CCDC83: variants seen among roughly 807,000 people sequenced by gnomAD.
CCDC83 encodes coiled-coil domain-containing protein 83.
A neutral mutation model predicts 50.1 loss-of-function variants in CCDC83; 54 were observed. The ratio of observed to expected loss-of-function variants is 1.08; its 90% CI spans 0.87 to 1.35. The LOEUF (loss-of-function observed/expected upper bound fraction) is 1.35. Among genes scored for constraint, CCDC83 ranks in the 40% most tolerant of loss-of-function variants. The pLI is 0.00. For missense variants in CCDC83, 518 were observed against 473.9 expected, an observed-to-expected ratio of 1.09 and a Z score of -0.86; for synonymous variants, 161 against 153.3, an observed-to-expected ratio of 1.05 and a Z score of -0.37.
In CCDC83 at chr11:85,916,109, T is replaced by C. The variant is rs1296311008; in HGVS notation, c.956T>C (p.Leu319Pro). 1.2e-6 allele frequency: 2 copies of C among 1,613,292 alleles called. No individual in the cohort carries two copies. Among genetic ancestry groups the C allele is most frequent in the South Asian group, 1.1e-5 (1 of 91,038 alleles). Residue 319 changes from leucine (L) to proline (P), a missense_variant, in exon 10 of 11, where the codon CTT (leucine) becomes CCT (proline). Coordinates refer to ENST00000342404, the MANE Select transcript of CCDC83 (RefSeq NM_001286159.2). ...SSSDESTILH[L>P]SHENSIEDLQ... is the part of the protein sequence containing the mutation. ...TCAGATGAGAGCACTATCTTACATC[T>C]TAGTCATGAAAATAGCATCGAAGAT...
intron 8 of CCDC83, among the ~76,000 whole-genome samples, chr11:85,914,681 T>C (rs1240066824): frequency 6.6e-6 from 1 of 152,200 alleles, no homozygotes; most frequent in African/African-American, 2.4e-5. Flanking sequence ...GTGTGTTATT[T>C]CCTTATTTGG....
intron 5 of CCDC83, among the ~76,000 whole-genome samples, 158 bp downstream of exon 5, chr11:85,886,525 G>C (rs2093327846): frequency 6.6e-6 from 1 of 152,134 alleles, no homozygotes; most frequent in Admixed American, 6.6e-5. Flanking sequence ...GGAGGAAGCA[G>C]AAAAATGATC....
At position 85,915,421 on chromosome 11, in the gene CCDC83, G is replaced by A. The variant is rs762518561; in HGVS notation, c.797G>A (p.Arg266Gln). ...CRLVDLKIPRRLYLTQAAGLE... is the reference protein window; with the variant it reads ...CRLVDLKIPRQLYLTQAAGLE... ...GTTTTTCTCATTTGTTCTTTTAGGC[G>A]ACTATATCTTACCCAAGCTGCTGGA... is the stretch of plus-strand genomic sequence containing the variant. The change falls in exon 9 of 11, where the codon CGA (arginine) becomes CAA (glutamine). Residue 266 changes from arginine to glutamine, a missense_variant and splice_region_variant. Arg to Gln is a conservative substitution (Grantham distance 43). Coordinates refer to ENST00000342404, the MANE Select transcript of CCDC83 (RefSeq NM_001286159.2). The A allele has an allele frequency of 1.5e-5, 24 of 1,606,832 alleles. No homozygotes were observed. The highest frequency in any genetic ancestry group is 2.2e-5 in the East Asian group (1 of 44,810).
chr11:85,860,559 C>T (rs2093170322), intron 1 of CCDC83, among the ~76,000 whole-genome samples: 1 of 152,086 alleles, frequency 6.6e-6, no homozygotes, highest in Admixed American at 6.5e-5. Context: ...TATTAAAGAA[C>T]ACGTGGAAAG....
intron 5 of CCDC83, 70 bp from the exon 6 acceptor site, chr11:85,895,223 T>C (rs1257530588): frequency 1.9e-6 from 1 of 524,292 alleles, no homozygotes; most frequent in Non-Finnish European, 3.0e-6. Flanking sequence ...CTGCCACACA[T>C]AGTTTTACCT....
At position 85,882,600 on chromosome 11, in the gene CCDC83, G is replaced by A; in HGVS notation, c.268G>A (p.Val90Ile). Reference protein sequence around the residue: ...SEEKAEGLPVVTREDVEEAMK... With the variant: ...SEEKAEGLPVITREDVEEAMK... ...AGAGAAGGCAGAGGGATTGCCAGTTGTAACAAGAGAGGATGTTGAAGAAGC... is the reference window on the plus strand; with the variant it reads ...AGAGAAGGCAGAGGGATTGCCAGTTATAACAAGAGAGGATGTTGAAGAAGC... Residue 90 changes from valine to isoleucine, a missense_variant, in exon 4 of 11, where the codon GTA becomes ATA. Transcript: ENST00000342404. The A allele has an allele frequency of 6.2e-7, 1 of 1,614,032 alleles. No individual in the cohort carries two copies. Among genetic ancestry groups the A allele is most frequent in the East Asian group, 2.2e-5 (1 of 44,874 alleles).
chr11:85,872,264 C>A (rs1463390314), intron 2 of CCDC83, among the ~76,000 whole-genome samples: 1 of 152,110 alleles, frequency 6.6e-6, no homozygotes, highest in African/African-American at 2.4e-5. Context: ...GCGGGCAGAT[C>A]ACTTGAGGTC....
chr11:85,888,344 G>A (rs764893553), intron 5 of CCDC83, among the ~76,000 whole-genome samples: 4 of 152,090 alleles, frequency 2.6e-5, no homozygotes, highest in South Asian at 2.1e-4. Flanking sequence ...CTTATGGGTC[G>A]AAAATGGTAT....
chr11:85,885,228 A>C (rs1388731493), intron 4 of CCDC83, among the ~76,000 whole-genome samples: 3 of 152,038 alleles, frequency 2.0e-5, no homozygotes, highest in African/African-American at 7.2e-5. Context: ...AAAAAAAATT[A>C]GTATCTTGTG....
chr11:85,908,556 T>TAGATAGATAGAC (rs1412511098), intron 7 of CCDC83, among the ~76,000 whole-genome samples: 21 of 39,098 alleles, frequency 5.4e-4, no homozygotes, highest in African/African-American at 2.0e-3. Context: ...GATGATTAGA[T>TAGATAGATAGAC]AGATAGATAG....
At chr11:85,874,334 C>A (rs913114502) in intron 3 of CCDC83, among the ~76,000 whole-genome samples, 10 of 152,200 alleles carry the variant, frequency 6.6e-5, no homozygotes, top group African/African-American at 2.2e-4. Context: ...CCCATCGATG[C>A]ACCCATGCAC....
chr11:85,886,516 G>C, intron 5 of CCDC83, 149 bp downstream of exon 5: 1 of 551,846 alleles, frequency 1.8e-6, no homozygotes, highest in Non-Finnish European at 2.9e-6. Context: ...AAGGTGGAGG[G>C]AGGAAGCAGA....
rs150122733 is a variant in CCDC83 at position 85,917,209 on chromosome 11, G to GGAAAGAAA, written c.1080+993_1080+1000dup. 6.9e-3 allele frequency among the ~76,000 whole-genome samples: 649 copies of GGAAAGAAA among 94,722 alleles called. 8 individuals are homozygous for GGAAAGAAA. Among genetic ancestry groups the GGAAAGAAA allele is most frequent in the Admixed American group, 8.4e-3 (69 of 8,240 alleles). The allele number at this position is 94,722 out of a possible 152,430, so 62.1% of individuals were successfully genotyped here. ...GAAAGAAAGAGAAAGAAAGAAAGAA[G>GGAAAGAAA]GAAAGAAAGAAAGAAAGAAAGAAAA... is the stretch of plus-strand genomic sequence containing the variant. On this transcript the variant is annotated intron_variant, in intron 10 of 10. Coordinates refer to ENST00000342404, the MANE Select transcript of CCDC83 (RefSeq NM_001286159.2).
At position 85,881,125 on chromosome 11, in the gene CCDC83, T is replaced by C. The variant is rs564089482; in HGVS notation, c.181-1388T>C. 1.6e-3 allele frequency among the ~76,000 whole-genome samples: 240 copies of C among 152,182 alleles called. 3 individuals carry two copies. Among genetic ancestry groups the C allele is most frequent in the Non-Finnish European group, 2.9e-3 (196 of 68,000 alleles). The stretch of plus-strand genomic sequence containing the variant: ...GGCTTATGCCTGTAGTCCCAGCACT[T>C]TGGGAGGCCGCGGCAGATGGATCAC... On this transcript the variant is annotated intron_variant, in intron 3 of 10. Coordinates refer to ENST00000342404, the MANE Select transcript of CCDC83 (RefSeq NM_001286159.2).
intron 2 of CCDC83, 69 bp downstream of exon 2, chr11:85,865,287 CT>C: frequency 1.1e-6 from 1 of 947,110 alleles, no homozygotes. Flanking sequence ...ACTCATATAA[CT>C]GCAAATGCAA....
chr11:85,905,618 T>TAA (rs1212939338), intron 7 of CCDC83, among the ~76,000 whole-genome samples: 7 of 98,644 alleles, frequency 7.1e-5, no homozygotes, highest in African/African-American at 1.1e-4. Flanking sequence ...CTCAAAAAAA[T>TAA]AAAAAAAAAA....
chr11:85,894,154 G>A (rs975566712), intron 5 of CCDC83, among the ~76,000 whole-genome samples: 1 of 152,094 alleles, frequency 6.6e-6, no homozygotes, highest in South Asian at 2.1e-4. Flanking sequence ...TTGTCTTCCA[G>A]GAAAACAGTT....
chr11:85,909,395 T>TTCTCACCAGCCTA (rs1247615496), intron 7 of CCDC83, among the ~76,000 whole-genome samples: 2 of 152,180 alleles, frequency 1.3e-5, no homozygotes, highest in African/African-American at 4.8e-5. Context: ...ATCACCATTA[T>TTCTCACCAGCCTA]TCTCACCAGC....
At chr11:85,857,471 A>G (rs1183431104) in intron 1 of CCDC83, among the ~76,000 whole-genome samples, 1 of 151,982 alleles carries the variant, frequency 6.6e-6, no homozygotes, top group African/African-American at 2.4e-5. Flanking sequence ...GTGATTCTGG[A>G]TGTCGCTTGG....
Sources: gnomAD v4.1 joint callset for allele counts (sites outside exome capture counted in the v4.1 genomes callset) on GRCh38, gnomAD v4.1.1 for gene constraint, MANE v1.5 for transcripts, NCBI Gene and HGNC (gene_info 2026-07-23, HGNC 2026-07-21) for gene names.